The following ACSL6 variants were observed in gnomAD, a reference collection of about 807,000 sequenced individuals.
ACSL6 encodes acyl-CoA synthetase long chain family member 6, also known as long-chain-fatty-acid--CoA ligase 6.
ACSL6 carries 47 observed loss-of-function variants against 98.2 expected under a neutral mutation model. The observed-to-expected ratio is 0.48, with a 90% CI of 0.38 to 0.61. ACSL6 has a LOEUF of 0.61. Ranked by LOEUF, ACSL6 falls within the 20% of genes least tolerant of loss-of-function variation. ACSL6 has a pLI of 0.00. For synonymous variants in ACSL6, 362 were observed against 336.9 expected, an observed-to-expected ratio of 1.07 and a Z score of -0.82; for missense variants, 761 against 913.4, an observed-to-expected ratio of 0.83 and a Z score of 2.15.
intron 1 of ACSL6, among the ~76,000 whole-genome samples, chr5:131,997,525 G>T (rs1479235077): frequency 6.6e-6 from 1 of 152,204 alleles, no homozygotes; most frequent in South Asian, 2.1e-4. Context: ...GGGGCTGGGG[G>T]AAGTGCAGGG....
rs200139202 is a variant in ACSL6, at chr5:131,992,685, CT to C, written c.270+1345del. 3.8e-3 allele frequency among the ~76,000 whole-genome samples: 583 copies of C among 152,316 alleles called. 5 individuals are homozygous for C. Among genetic ancestry groups the C allele is most frequent in the Admixed American group, 8.0e-3 (123 of 15,310 alleles). ...TGCAGCTGCTTTCTTACGCTTGCCC[CT>C]GTCACACCCACCTTTCTACGGCACA... is the stretch of plus-strand genomic sequence containing the variant. On this transcript the variant is annotated intron_variant, in intron 2 of 20. Coordinates refer to ENST00000651883, the MANE Select transcript of ACSL6 (RefSeq NM_001009185.3).
rs1471360689 is a variant in ACSL6 at position 131,991,331 on chromosome 5, G to A, written c.271-364C>T. Among the ~76,000 whole-genome samples, 6 of 152,290 alleles carry A rather than the reference G, an allele frequency of 3.9e-5. No homozygotes were observed. In the East Asian group the frequency reaches 1.2e-3, roughly 29 times the overall value. On this transcript the variant is annotated intron_variant, in intron 2 of 20. Coordinates refer to ENST00000651883, the MANE Select transcript of ACSL6 (RefSeq NM_001009185.3). ...TGTCTCATTCATACAACACAGTGGGGAGTATTGGCTGGATTCAGGAACAAC... is the reference window on the plus strand; with the variant it reads ...TGTCTCATTCATACAACACAGTGGGAAGTATTGGCTGGATTCAGGAACAAC...
chr5:131,965,595 A>T (rs1410573857), intron 17 of ACSL6, among the ~76,000 whole-genome samples: 1 of 152,028 alleles, frequency 6.6e-6, no homozygotes, highest in Non-Finnish European at 1.5e-5. Flanking sequence ...GATGGCGGGC[A>T]CCTGTAGTCC....
intron 1 of ACSL6, among the ~76,000 whole-genome samples, chr5:132,007,488 C>G (rs1182585515): frequency 6.6e-6 from 1 of 152,198 alleles, no homozygotes; most frequent in Non-Finnish European, 1.5e-5. Context: ...CTGATCATGC[C>G]TGGTGGTCCC....
At chr5:132,010,975 G>A (rs1332133908) in intron 1 of ACSL6, among the ~76,000 whole-genome samples, 1 of 152,164 alleles carries the variant, frequency 6.6e-6, no homozygotes, top group Non-Finnish European at 1.5e-5. Context: ...GAGCAGAGGA[G>A]CCAGGTGAAC....
chr5:131,989,652 A>G, intron 4 of ACSL6, 144 bp from the exon 5 acceptor site: 1 of 622,700 alleles, frequency 1.6e-6, no homozygotes. Context: ...CTGGAGTGCA[A>G]TGGCACAATC....
Position 131,994,024 on chromosome 5 carries a change from T to C in ACSL6, c.270+7A>G, listed in dbSNP as rs981639182. The C allele has an allele frequency of 6.2e-7, 1 of 1,613,102 alleles. No homozygotes were observed. The highest frequency in any genetic ancestry group is 8.5e-7 in the Non-Finnish European group (1 of 1,179,880). ...TTCCGCAGTGGAACGTCTCCTATCC[T>C]GCTCACCTCTACTTCTTCTGACTGC... On this transcript the variant is annotated splice_region_variant and intron_variant, in intron 2 of 20. Coordinates refer to ENST00000651883, the MANE Select transcript of ACSL6 (RefSeq NM_001009185.3).
chr5:131,990,036 C>T, intron 4 of ACSL6, 64 bp downstream of exon 4: 1 of 1,560,282 alleles, frequency 6.4e-7, no homozygotes, highest in East Asian at 2.3e-5. Context: ...ACATCCCTCC[C>T]TACCTGCCCT....
chr5:132,010,471 C>T (rs771969808), intron 1 of ACSL6, among the ~76,000 whole-genome samples: 5 of 152,224 alleles, frequency 3.3e-5, no homozygotes, highest in Non-Finnish European at 4.4e-5. Context: ...TTAAATAACA[C>T]GTACAAAGCC....
chr5:131,976,686 C>T lies in ACSL6; in HGVS notation c.952G>A (p.Val318Met), dbSNP rs375566990. 3.6e-5 allele frequency: 58 copies of T among 1,614,200 alleles called. No individual in the cohort carries two copies. The highest frequency in any genetic ancestry group is 5.3e-5 in the African/African-American group (4 of 75,062). The change falls in exon 10 of 21, where the codon GTG becomes ATG. Residue 318 changes from valine (V) to methionine (M), a missense_variant. Transcript: ENST00000651883. Reference sequence around the variant, plus strand: ...AGAAAGCCTGAGAAATCAGCCACCACGTTCCCATGGGTGAGCATCGCACCT... The same window carrying T: ...AGAAAGCCTGAGAAATCAGCCACCATGTTCCCATGGGTGAGCATCGCACCT... ...PKGAMLTHGNVVADFSGFLKV... is the reference protein window; with the variant it reads ...PKGAMLTHGNMVADFSGFLKV...
Position 131,985,273 on chromosome 5 carries a change from A to G in ACSL6, c.916+134T>C, listed in dbSNP as rs935725675. 2.7e-6 allele frequency: 3 copies of G among 1,120,096 alleles called. No homozygotes were observed. The African/African-American group carries it at 4.7e-5, about 17-fold the overall frequency. The allele number at this position is 1,120,096 out of a possible 1,614,324, so 69.4% of individuals were successfully genotyped here. A position where few individuals can be genotyped will look rare whatever the true frequency, so the allele number is the denominator to read the frequency against. ...CACTGGGAGGTGCAGGAGGTCACCC[A>G]GTGTCTGGAGCCAGGAACAAGACAA... On this transcript the variant is annotated intron_variant, in intron 9 of 20. Transcript: ENST00000651883.
chr5:132,011,348 G>A lies in ACSL6; in HGVS notation c.49+157C>T. Reference sequence around the variant, plus strand: ...GGAGCCCGCGAGAACTGGGGGCGGAGGGTGTACTTAGGCGGCCCTGGGGAC... The same window carrying A: ...GGAGCCCGCGAGAACTGGGGGCGGAAGGTGTACTTAGGCGGCCCTGGGGAC... On this transcript the variant is annotated intron_variant, in intron 1 of 20. Coordinates refer to ENST00000651883, the MANE Select transcript of ACSL6 (RefSeq NM_001009185.3). This position sits in a 1 kb window ranked among gnomAD's most constrained non-coding sequence, Gnocchi z 5.4. 1 of 753,174 alleles carries A rather than the reference G, an allele frequency of 1.3e-6. No homozygotes were observed. Among genetic ancestry groups the A allele is most frequent in the Non-Finnish European group, 2.2e-6 (1 of 450,764 alleles). The allele number at this position is 753,174 out of a possible 1,614,324, so 46.7% of individuals were successfully genotyped here.
chr5:131,969,087 C>T lies in ACSL6; in HGVS notation c.1507+1041G>A, dbSNP rs1470860179. On this transcript the variant is annotated intron_variant, in intron 15 of 20. Transcript: ENST00000651883. ...GGCTGCCTACTACAGACCTGTTTCC[C>T]CTTTTGCTGAAAACCACTCAGCAAA... Among the ~76,000 whole-genome samples the T allele has an allele frequency of 3.3e-5, 5 of 152,198 alleles. No individual in the cohort carries two copies. The East Asian group carries it at 9.6e-4, about 29-fold the overall frequency.
In ACSL6 at chr5:131,954,179, A is replaced by G; in HGVS notation, c.*55T>C. The G allele has an allele frequency of 2.7e-6, 4 of 1,483,328 alleles. No individual in the cohort carries two copies. The highest frequency in any genetic ancestry group is 3.6e-6 in the Non-Finnish European group (4 of 1,119,114). 91.9% of individuals were successfully genotyped at this position (1,483,328 alleles called of 1,614,324 possible). A position where few individuals can be genotyped will look rare whatever the true frequency, so the allele number is the denominator to read the frequency against. On this transcript the variant is annotated 3_prime_UTR_variant, in exon 21 of 21. Coordinates refer to ENST00000651883, the MANE Select transcript of ACSL6 (RefSeq NM_001009185.3). The stretch of plus-strand genomic sequence containing the variant: ...TCATTTTGACTCATTACTTTCAAGA[A>G]TAACTATAATATTGCTAGACAGTTC...
At position 131,967,982 on chromosome 5, in the gene ACSL6, A is replaced by G. The variant is rs373237972; in HGVS notation, c.1554T>C (p.Asp518=). The G allele has an allele frequency of 2.5e-6, 4 of 1,614,048 alleles. No individual in the cohort carries two copies. Among genetic ancestry groups the G allele is most frequent in the South Asian group, 1.1e-5 (1 of 91,058 alleles). ...PLPCNHIKLV[D]VEELNYWACK... Reference sequence around the variant, plus strand: ...AGGCCCAGTAGTTCAGTTCCTCAACATCAACGAGCTTGATATGATTGCAGG... The same window carrying G: ...AGGCCCAGTAGTTCAGTTCCTCAACGTCAACGAGCTTGATATGATTGCAGG... The change falls in exon 16 of 21, where the codon GAT becomes GAC. Residue 518 remains aspartate, a synonymous_variant. Coordinates refer to ENST00000651883, the MANE Select transcript of ACSL6 (RefSeq NM_001009185.3).
chr5:131,994,233 A>G lies in ACSL6; in HGVS notation c.68T>C (p.Leu23Pro). Residue 23 changes from leucine (L) to proline (P), a missense_variant, in exon 2 of 21, where the codon CTG becomes CCG. Transcript: ENST00000651883. ...GATCTCCTGTGTCTGCATCTTCTCCAGAAGTGAGAGGACAAACTCTGTTGA... is the reference window on the plus strand; with the variant it reads ...GATCTCCTGTGTCTGCATCTTCTCCGGAAGTGAGAGGACAAACTCTGTTGA... ...WLFVEFVLSL[L>P]EKMQTQEILR... 1.9e-6 allele frequency: 3 copies of G among 1,612,140 alleles called. No homozygotes were observed. Among genetic ancestry groups the G allele is most frequent in the Non-Finnish European group, 2.5e-6 (3 of 1,179,012 alleles).
At position 131,972,756 on chromosome 5, in the gene ACSL6, T is replaced by A. The variant is rs774471936; in HGVS notation, c.1306A>T (p.Ile436Phe). 3 of 1,614,220 alleles carry A rather than the reference T, an allele frequency of 1.9e-6. No homozygotes were observed. In the South Asian group the frequency reaches 3.3e-5, roughly 18 times the overall value. The change falls in exon 13 of 21, where the codon ATC (isoleucine) becomes TTC (phenylalanine). Residue 436 changes from isoleucine (I) to phenylalanine (F), a missense_variant. Ile to Phe is a conservative substitution (Grantham distance 21). Transcript: ENST00000651883. ...VRSGIIRNDS[I>F]WDELFFNKIQ... Reference sequence around the variant, plus strand: ...TTATTAAAGAAGAGTTCATCCCAGATACTATCATTCCTGATGATTCCACTC... The same window carrying A: ...TTATTAAAGAAGAGTTCATCCCAGAAACTATCATTCCTGATGATTCCACTC...
In ACSL6 at chr5:131,960,283, T is replaced by C. The variant is rs560200039; in HGVS notation, c.1959+237A>G. Among the ~76,000 whole-genome samples, 26 of 152,302 alleles carry C rather than the reference T, an allele frequency of 1.7e-4. No individual in the cohort carries two copies. In the South Asian group the frequency reaches 5.4e-3, roughly 32 times the overall value. ...CAAAGCAACAGGGCTGGATAAGCTT[T>C]CTGTGATGTCTCCTGGCTTAAAATC... On this transcript the variant is annotated intron_variant, in intron 19 of 20. Coordinates refer to ENST00000651883, the MANE Select transcript of ACSL6 (RefSeq NM_001009185.3).
At chr5:131,988,017 C>A in intron 7 of ACSL6, 31 bp downstream of exon 7, 1 of 1,606,970 alleles carries the variant, frequency 6.2e-7, no homozygotes, top group Non-Finnish European at 8.5e-7. Flanking sequence ...CCAGCAGTAG[C>A]CCAGCAAACC....
Sources: gnomAD v4.1 joint callset for allele counts (sites outside exome capture counted in the v4.1 genomes callset) on GRCh38, gnomAD v4.1.1 for gene constraint, Gnocchi (gnomAD v3.1) non-coding constraint, MANE v1.5 for transcripts, NCBI Gene and HGNC (gene_info 2026-07-23, HGNC 2026-07-21) for gene names.